The following POU3F3 variants were observed in gnomAD, a reference collection of about 807,000 sequenced individuals.
POU3F3 encodes POU class 3 homeobox 3, also known as POU domain, class 3, transcription factor 3.
Under a neutral mutation model 8.6 loss-of-function variants are expected in POU3F3, and 1 was observed. That is an observed-to-expected ratio of 0.12 (90% CI 0.04 to 0.55). The LOEUF (loss-of-function observed/expected upper bound fraction) is 0.55, where lower values mean the gene tolerates loss of function less well. Ranked by LOEUF, POU3F3 falls within the 20% of genes least tolerant of loss-of-function variation. POU3F3 has a pLI of 0.91. For synonymous variants in POU3F3, 418 were observed against 327.4 expected (o/e 1.28, Z -2.99); for missense variants, 577 against 690.7 (o/e 0.84, Z 1.84).
At chr2:104,922,103 C>T in the POU3F3 span, among the ~76,000 whole-genome samples, 25 of 152,142 alleles carry the variant, frequency 1.6e-4, no homozygotes, top group South Asian at 6.2e-4. Flanking sequence ...AAGTTTATAC[C>T]TCATGCTAAT....
At chr2:104,862,465 G>A (rs1047870130), downstream of POU3F3, among the ~76,000 whole-genome samples, 1 of 152,144 alleles carries the variant, frequency 6.6e-6, no homozygotes, top group African/African-American at 2.4e-5. Context: ...CCTGCCTCCG[G>A]TGAAAACCCC....
chr2:104,892,608 A>G, the POU3F3 span, among the ~76,000 whole-genome samples: 7 of 150,862 alleles, frequency 4.6e-5, no homozygotes, highest in East Asian at 1.2e-3. Context: ...TGGGACTACA[A>G]GTGCATGCAA....
At chr2:104,905,791 A>C in the POU3F3 span, among the ~76,000 whole-genome samples, 2 of 152,180 alleles carry the variant, frequency 1.3e-5, no homozygotes, top group African/African-American at 4.8e-5. Flanking sequence ...TCTTATAAAA[A>C]CACTGGTTCT....
the POU3F3 span, among the ~76,000 whole-genome samples, chr2:104,894,501 T>G: frequency 2.3e-4 from 35 of 152,286 alleles, no homozygotes; most frequent in African/African-American, 8.2e-4. Context: ...AGCCCAGGCT[T>G]CCTCTTCCTC....
At position 104,857,051 on chromosome 2, in the gene POU3F3, C is replaced by T; in HGVS notation, c.*38C>T. 2.2e-6 allele frequency: 3 copies of T among 1,394,214 alleles called. No individual in the cohort carries two copies. Among genetic ancestry groups the T allele is most frequent in the South Asian group, 3.1e-5 (2 of 64,220 alleles). The allele number at this position is 1,394,214 out of a possible 1,614,324, so 86.4% of individuals were successfully genotyped here. On this transcript the variant is annotated 3_prime_UTR_variant, in exon 1 of 1. Coordinates refer to ENST00000361360, the MANE Select transcript of POU3F3 (RefSeq NM_006236.3). ...GAGCGAAGAGGGCCGCCGCCGCCGCCGCCTCCGCAGCCGCCGTCAGCACCG... is the reference window on the plus strand; with the variant it reads ...GAGCGAAGAGGGCCGCCGCCGCCGCTGCCTCCGCAGCCGCCGTCAGCACCG...
At chr2:104,918,201 C>T in the POU3F3 span, among the ~76,000 whole-genome samples, 1 of 152,230 alleles carries the variant, frequency 6.6e-6, no homozygotes, top group African/African-American at 2.4e-5. Context: ...TTCAAAGTCT[C>T]AGGATTTCTT....
Position 104,856,169 on chromosome 2 carries a change from T to G in POU3F3, c.659T>G (p.Leu220Arg). The change falls in exon 1 of 1, where the codon CTG becomes CGG. Residue 220 changes from leucine (L) to arginine (R), a missense_variant. By Grantham distance (102) the Leu-to-Arg change is moderately radical (BLOSUM62 -2). Coordinates refer to ENST00000361360, the MANE Select transcript of POU3F3 (RefSeq NM_006236.3). ...GGCCAGCAGCCGCCGCCGCAGAGTC[T>G]GCTCTACTCGCAGCCCGGAGGCTTC... is the stretch of plus-strand genomic sequence containing the variant. Reference protein sequence around the residue: ...AGGQQPPPQSLLYSQPGGFTV... With the variant: ...AGGQQPPPQSRLYSQPGGFTV... 1 of 1,260,484 alleles carries G rather than the reference T, an allele frequency of 7.9e-7. No individual in the cohort carries two copies. Among genetic ancestry groups the G allele is most frequent in the South Asian group, 2.8e-5 (1 of 35,848 alleles). The allele number at this position is 1,260,484 out of a possible 1,614,324, so 78.1% of individuals were successfully genotyped here.
In POU3F3 at chr2:104,855,629, GC is replaced by G; in HGVS notation, c.120del (p.Gly42AlafsTer17). ...GGCGGGGGTGGCGGCGGCGGCGGCG[GC>G]GGGGGCGGCGCAGGGGGCGGGGGCG... ...GGGGGGGGGG[G>X]GGGAGGGGGG... On this transcript the variant is annotated frameshift_variant, in exon 1 of 1. Coordinates refer to ENST00000361360, the MANE Select transcript of POU3F3 (RefSeq NM_006236.3). LOFTEE classifies it low-confidence loss of function (END_TRUNC). 1 of 972,506 alleles carries G rather than the reference GC, an allele frequency of 1.0e-6. No homozygotes were observed. Among genetic ancestry groups the G allele is most frequent in the Non-Finnish European group, 1.2e-6 (1 of 822,218 alleles). The allele number at this position is 972,506 out of a possible 1,614,324, so 60.2% of individuals were successfully genotyped here.
chr2:104,858,609 AG>A (rs1676619836), downstream of POU3F3: 1 of 152,226 alleles, frequency 6.6e-6, no homozygotes, highest in African/African-American at 2.4e-5. Flanking sequence ...CTGTGTGGGA[AG>A]AAAAGAGTTC....
the POU3F3 span, among the ~76,000 whole-genome samples, chr2:104,886,088 T>C: frequency 6.6e-6 from 1 of 152,184 alleles, no homozygotes; most frequent in South Asian, 2.1e-4. Flanking sequence ...TGAGCCACCG[T>C]GCCTGGCCTG....
chr2:104,905,254 C>A, the POU3F3 span, among the ~76,000 whole-genome samples: 1 of 152,118 alleles, frequency 6.6e-6, no homozygotes, highest in East Asian at 1.9e-4. Context: ...TTTAAAATTT[C>A]ATTCTATTAT....
Position 104,855,818 on chromosome 2 carries a change from A to ACGCCGCCGCCGC in POU3F3, c.318_329dup (p.Ala112_Ala115dup). On this transcript the variant is annotated inframe_insertion, in exon 1 of 1. Transcript: ENST00000361360. ...CACCAGTGGGTCACAGCCCTGCCCC[A>ACGCCGCCGCCGC]CGCCGCCGCCGCCGCCGCCGCTGCC... The ACGCCGCCGCCGC allele has an allele frequency of 8.9e-7, 1 of 1,123,424 alleles. No individual in the cohort carries two copies. The highest frequency in any genetic ancestry group is 1.1e-6 in the Non-Finnish European group (1 of 917,418). 69.6% of individuals were successfully genotyped at this position (1,123,424 alleles called of 1,614,324 possible).
Position 104,857,677 on chromosome 2 carries a change from G to T in POU3F3, c.*664G>T, listed in dbSNP as rs1303789020. 1 of 153,532 alleles carries T rather than the reference G, an allele frequency of 6.5e-6. No homozygotes were observed. The highest frequency in any genetic ancestry group is 1.5e-5 in the Non-Finnish European group (1 of 68,032). The allele number at this position is 153,532 out of a possible 1,614,324, so 9.5% of individuals were successfully genotyped here. ...ATCAGGGGACGACACCGTGCTCTGGGACCCTGTTTTTCTTGGCCATATTAA... is the reference window on the plus strand; with the variant it reads ...ATCAGGGGACGACACCGTGCTCTGGTACCCTGTTTTTCTTGGCCATATTAA... On this transcript the variant is annotated 3_prime_UTR_variant, in exon 1 of 1. Transcript: ENST00000361360.
the POU3F3 span, among the ~76,000 whole-genome samples, chr2:104,884,558 C>T: frequency 2.6e-5 from 4 of 152,360 alleles, no homozygotes; most frequent in Admixed American, 2.6e-4. Context: ...CACCACTCCA[C>T]TTCAACACAT....
Position 104,855,772 on chromosome 2 carries a change from G to T in POU3F3, c.262G>T (p.Gly88Cys). 7.5e-7 allele frequency: 1 copy of T among 1,328,522 alleles called. No homozygotes were observed. Among genetic ancestry groups the T allele is most frequent in the East Asian group, 4.4e-5 (1 of 22,936 alleles). The allele number at this position is 1,328,522 out of a possible 1,614,324, so 82.3% of individuals were successfully genotyped here. A position where few individuals can be genotyped will look rare whatever the true frequency, so the allele number is the denominator to read the frequency against. The change falls in exon 1 of 1, where the codon GGC becomes TGC. Residue 88 changes from glycine to cysteine, a missense_variant. By Grantham distance (159) the Gly-to-Cys change is radical. Around this residue, in one of 7 missense-constraint regions of POU3F3, gnomAD observed 484 missense variants for 422.6 expected, o/e 1.15. Transcript: ENST00000361360. ...GGGGGCCATGGCCGCCAGCAACGGCGGCCATATGCTGAGCCACGCGCACCA... is the reference window on the plus strand; with the variant it reads ...GGGGGCCATGGCCGCCAGCAACGGCTGCCATATGCTGAGCCACGCGCACCA... ...MQGAMAASNG[G>C]HMLSHAHQWV...
chr2:104,867,855 G>T, the POU3F3 span: 1 of 182,752 alleles, frequency 5.5e-6, no homozygotes, highest in Non-Finnish European at 1.2e-5. This position sits in a 1 kb window ranked among gnomAD's most constrained non-coding sequence, Gnocchi z 5.0. Context: ...CGCGCTGTGG[G>T]CACTCACAGC....
At chr2:104,861,881 C>T (rs1218497757), downstream of POU3F3, among the ~76,000 whole-genome samples, 2 of 152,172 alleles carry the variant, frequency 1.3e-5, no homozygotes, top group Admixed American at 1.3e-4. Context: ...CTCCTGGGTG[C>T]AGGATCCTCA....
the POU3F3 span, chr2:104,868,161 G>A: frequency 4.6e-6 from 2 of 439,488 alleles, no homozygotes; most frequent in Admixed American, 5.1e-5. Context: ...ACACCCCCAT[G>A]GGGTTCTGAA....
At chr2:104,912,785 G>A in the POU3F3 span, among the ~76,000 whole-genome samples, 1 of 152,166 alleles carries the variant, frequency 6.6e-6, no homozygotes, top group Non-Finnish European at 1.5e-5. Flanking sequence ...GAGCAGCCCC[G>A]TGTGACCCCA....
Sources: allele counts gnomAD v4.1 joint callset (sites outside exome capture counted in the v4.1 genomes callset), GRCh38; gene constraint gnomAD v4.1.1; regional missense constraint gnomAD v4.1.1; non-coding constraint Gnocchi (gnomAD v3.1); transcripts MANE v1.5; gene names NCBI Gene and HGNC (gene_info 2026-07-23, HGNC 2026-07-21).